Variants in CFAP97 observed in about 807,000 individuals in gnomAD.
CFAP97 encodes the protein cilia and flagella associated protein 97, also known as cilia- and flagella-associated protein 97.
A neutral mutation model predicts 43.1 loss-of-function variants in CFAP97; 36 were observed. The observed-to-expected ratio is 0.84, with a 90% CI of 0.64 to 1.10. The LOEUF (loss-of-function observed/expected upper bound fraction) is 1.10, where lower values mean the gene tolerates loss of function less well. Among genes scored for constraint, CFAP97 ranks in the 50% least tolerant of loss-of-function variants. CFAP97 has a pLI of 0.00. For synonymous variants in CFAP97, 228 were observed against 225.7 expected (o/e 1.01, Z -0.09); for missense variants, 657 against 620.3 (o/e 1.06, Z -0.63).
intron 1 of CFAP97, among the ~76,000 whole-genome samples, chr4:185,200,512 T>C (rs1292898539): frequency 6.6e-6 from 1 of 152,112 alleles, no homozygotes; most frequent in African/African-American, 2.4e-5. Context: ...TGGTAGCACA[T>C]GTCTGTAATC....
At chr4:185,196,166 A>G (rs1353998584) in intron 1 of CFAP97, among the ~76,000 whole-genome samples, 1 of 152,204 alleles carries the variant, frequency 6.6e-6, no homozygotes, top group African/African-American at 2.4e-5. Context: ...AGTAGAACAC[A>G]GTGTAATAAT....
chr4:185,164,321 T>C, intron 3 of CFAP97, 142 bp from the exon 4 acceptor site: 2 of 839,534 alleles, frequency 2.4e-6, no homozygotes, highest in East Asian at 2.7e-5. Flanking sequence ...CAGGCTGGCC[T>C]GGAACTCCTG....
At chr4:185,171,805 C>T (rs142533113) in intron 3 of CFAP97, among the ~76,000 whole-genome samples, 329 of 152,308 alleles carry the variant, frequency 2.2e-3, no homozygotes, top group African/African-American at 7.6e-3. Flanking sequence ...GGAGTGATCA[C>T]GGCTCTCTGC....
chr4:185,196,487 G>A (rs574122519), intron 1 of CFAP97, among the ~76,000 whole-genome samples: 2 of 151,178 alleles, frequency 1.3e-5, no homozygotes, highest in African/African-American at 4.9e-5. Context: ...AAAAAAGAGT[G>A]CATTACATAT....
At chr4:185,184,352 C>G (rs1036142172) in intron 2 of CFAP97, among the ~76,000 whole-genome samples, 1 of 152,204 alleles carries the variant, frequency 6.6e-6, no homozygotes, top group Non-Finnish European at 1.5e-5. Context: ...GCCTGCTTGG[C>G]CCAGGATAAT....
chr4:185,188,713 T>TTA (rs1736107586), intron 2 of CFAP97, among the ~76,000 whole-genome samples: 1 of 151,936 alleles, frequency 6.6e-6, no homozygotes, highest in African/African-American at 2.4e-5. Flanking sequence ...ACTTTTTTTT[T>TTA]ACTTTGCAAA....
chr4:185,192,295 T>C (rs1736296723), intron 1 of CFAP97, among the ~76,000 whole-genome samples: 2 of 152,160 alleles, frequency 1.3e-5, no homozygotes, highest in Admixed American at 1.3e-4. Flanking sequence ...TCTCACTGTG[T>C]TAAAGGGGGT....
intron 1 of CFAP97, among the ~76,000 whole-genome samples, chr4:185,194,057 T>A (rs1736427838): frequency 6.6e-6 from 1 of 152,092 alleles, no homozygotes; most frequent in Non-Finnish European, 1.5e-5. Flanking sequence ...TAAATAAAGT[T>A]TTATTGGAAC....
intron 2 of CFAP97, among the ~76,000 whole-genome samples, chr4:185,184,735 T>C (rs556411930): frequency 7.7e-4 from 117 of 152,330 alleles, no homozygotes; most frequent in African/African-American, 2.8e-3. Context: ...TTCAAAATCC[T>C]GGATAATCAC....
chr4:185,184,402 G>A (rs561184890), intron 2 of CFAP97, among the ~76,000 whole-genome samples: 11 of 152,290 alleles, frequency 7.2e-5, no homozygotes, highest in East Asian at 1.9e-4. Context: ...GAATGGGAGC[G>A]TAACCAGTTC....
rs750471642 is a variant in CFAP97 at position 185,190,585 on chromosome 4, A to G, written c.612T>C (p.Ser204=). 6.2e-7 allele frequency: 1 copy of G among 1,613,330 alleles called. No homozygotes were observed. Among genetic ancestry groups the G allele is most frequent in the Non-Finnish European group, 8.5e-7 (1 of 1,179,552 alleles). ...DSHLSDSSPS[S]KSSKKHVSGI... is the part of the protein sequence containing the mutation. ...CAGATACATGTTTCTTAGATGACTTAGATGACGGAGACGAATCAGATAGAT... is the reference window on the plus strand; with the variant it reads ...CAGATACATGTTTCTTAGATGACTTGGATGACGGAGACGAATCAGATAGAT... The change falls in exon 2 of 5, where the codon TCT becomes TCC. Residue 204 remains serine (S), a synonymous_variant. Transcript: ENST00000458385.
chr4:185,202,512 C>T (rs970909942), intron 1 of CFAP97, among the ~76,000 whole-genome samples: 6 of 151,990 alleles, frequency 3.9e-5, no homozygotes, highest in Admixed American at 6.6e-5. Flanking sequence ...CAGGCCACTG[C>T]ACTCCAGCCT....
Position 185,182,487 on chromosome 4 carries a change from T to C in CFAP97, c.1055-6436A>G, listed in dbSNP as rs976034677. 3 of 152,198 alleles carry C rather than the reference T, an allele frequency of 2.0e-5. No homozygotes were observed. The South Asian group carries it at 6.2e-4, about 32-fold the overall frequency. 9.4% of individuals were successfully genotyped at this position (152,198 alleles called of 1,614,324 possible). On this transcript the variant is annotated intron_variant, in intron 2 of 4. Coordinates refer to ENST00000458385, the MANE Select transcript of CFAP97 (RefSeq NM_020827.3). The stretch of plus-strand genomic sequence containing the variant: ...AAAGTCCTGTATCTAATACTGCCAC[T>C]ATGCAATGGTCTTCCCTTCTTCCAC...
chr4:185,182,482 G>A (rs1285096188), intron 2 of CFAP97: 1 of 152,086 alleles, frequency 6.6e-6, no homozygotes, highest in Non-Finnish European at 1.5e-5. Flanking sequence ...ATCTAATACT[G>A]CCACTATGCA....
At chr4:185,191,757 G>A (rs568952374) in intron 1 of CFAP97, among the ~76,000 whole-genome samples, 1 of 151,688 alleles carries the variant, frequency 6.6e-6, no homozygotes, top group African/African-American at 2.4e-5. Context: ...TTGAACCCAG[G>A]AGGTGGAGGT....
chr4:185,163,206 A>G (rs1734935658), intron 4 of CFAP97, among the ~76,000 whole-genome samples: 1 of 152,214 alleles, frequency 6.6e-6, no homozygotes, highest in Non-Finnish European at 1.5e-5. Flanking sequence ...AACCATTTAT[A>G]TATCTAATCA....
chr4:185,173,505 A>C lies in CFAP97; in HGVS notation c.1320+2281T>G, dbSNP rs572472206. On this transcript the variant is annotated intron_variant, in intron 3 of 4. Transcript: ENST00000458385. ...ACAGATAGTTGCCAATATTCACTTC[A>C]GTATTATTCACTATAGCTTAGGTCT... Among the ~76,000 whole-genome samples, 70 of 152,304 alleles carry C rather than the reference A, an allele frequency of 4.6e-4. 2 individuals carry two copies. Among genetic ancestry groups the C allele is most frequent in the African/African-American group, 1.6e-3 (65 of 41,562 alleles).
chr4:185,170,705 C>G (rs1373906307), intron 3 of CFAP97, among the ~76,000 whole-genome samples: 3 of 151,748 alleles, frequency 2.0e-5, no homozygotes, highest in African/African-American at 7.3e-5. Flanking sequence ...CTGCCTTAGG[C>G]CAGGTGTGGT....
Position 185,161,135 on chromosome 4 carries a change from C to T in CFAP97, c.*1663G>A, listed in dbSNP as rs1284685231. The T allele has an allele frequency of 6.6e-6, 1 of 151,996 alleles. No individual in the cohort carries two copies. Among genetic ancestry groups the T allele is most frequent in the Non-Finnish European group, 1.5e-5 (1 of 67,986 alleles). 9.4% of individuals were successfully genotyped at this position (151,996 alleles called of 1,614,324 possible). ...AAGCCTTGGTTTAGTATAGCTCAAG[C>T]TTATATACACAGCAGGTATAGTAAC... On this transcript the variant is annotated 3_prime_UTR_variant, in exon 5 of 5. Transcript: ENST00000458385.
Sources: gnomAD v4.1 joint callset for allele counts (sites outside exome capture counted in the v4.1 genomes callset) on GRCh38, gnomAD v4.1.1 for gene constraint, MANE v1.5 for transcripts, NCBI Gene and HGNC (gene_info 2026-07-23, HGNC 2026-07-21) for gene names.